LINS1: variants seen among roughly 807,000 people sequenced by gnomAD.
The protein encoded by LINS1 is lines homolog 1, also known as protein Lines homolog 1.
Under a neutral mutation model 41.6 loss-of-function variants are expected in LINS1, and 27 were observed. The ratio of observed to expected loss-of-function variants is 0.65; its 90% CI spans 0.48 to 0.89. The LOEUF (loss-of-function observed/expected upper bound fraction) is 0.89, where lower values mean the gene tolerates loss of function less well. Ranked by LOEUF, LINS1 falls within the 40% of genes least tolerant of loss-of-function variation. The probability of loss-of-function intolerance (pLI) is 0.00; values close to 1 mark genes in which losing one functional copy is unlikely to be tolerated. For synonymous variants in LINS1, 336 were observed against 312.9 expected, an observed-to-expected ratio of 1.07 and a Z score of -0.78; for missense variants, 955 against 884.1, an observed-to-expected ratio of 1.08 and a Z score of -1.02.
intron 2 of LINS1, 26 bp downstream of exon 2, chr15:100,580,418 C>T: frequency 1.9e-6 from 3 of 1,609,224 alleles, no homozygotes; most frequent in Admixed American, 1.7e-5. Flanking sequence ...TAAATATCTA[C>T]ATCTTTAGAA....
rs8451 is a variant in LINS1 at position 100,569,472 on chromosome 15, C to A, written c.2040G>T (p.Arg680Ser). Residue 680 changes from arginine to serine, a missense_variant, in exon 7 of 7, where the codon AGG becomes AGT. Physicochemically the swap from Arg to Ser is moderately radical, Grantham distance 110. Coordinates refer to ENST00000314742, the MANE Select transcript of LINS1 (RefSeq NM_001040616.3). ...TATCAAATTCTTTCAGAACCAGAGG[C>A]CTTGATGGAGGCTCAAGGCTAAATT... ...KKEFSLEPPSRPLVLKEFDTA... is the reference protein window; with the variant it reads ...KKEFSLEPPSSPLVLKEFDTA... 707,002 of 1,613,684 alleles carry A rather than the reference C, an allele frequency of 0.44. 160,031 individuals carry two copies. The highest frequency in any genetic ancestry group is 0.47 in the Non-Finnish European group (560,371 of 1,179,806).
intron 1 of LINS1, among the ~76,000 whole-genome samples, chr15:100,597,558 A>T (rs1364319819): frequency 6.6e-6 from 1 of 152,252 alleles, no homozygotes; most frequent in Non-Finnish European, 1.5e-5. Context: ...TTATATGCTA[A>T]TGCTAAGCAT....
At chr15:100,589,604 A>G (rs909767558) in intron 1 of LINS1, among the ~76,000 whole-genome samples, 2 of 152,190 alleles carry the variant, frequency 1.3e-5, no homozygotes, top group African/African-American at 2.4e-5. Context: ...TCTGCATTCC[A>G]TGACTCATCA....
chr15:100,567,308 G>C lies in LINS1; in HGVS notation c.*1930C>G, dbSNP rs2037595739. The C allele has an allele frequency of 1.3e-5, 2 of 152,138 alleles. No individual in the cohort carries two copies. Among genetic ancestry groups the C allele is most frequent in the South Asian group, 4.1e-4 (2 of 4,830 alleles). 9.4% of individuals were successfully genotyped at this position (152,138 alleles called of 1,614,324 possible). ...TAGTCTTATGGGACCACTGTACTAT[G>C]TGGTCTGTTATTGAAACATCCTAAT... On this transcript the variant is annotated 3_prime_UTR_variant, in exon 7 of 7. Transcript: ENST00000314742.
chr15:100,580,232 A>T (rs1424405382), intron 3 of LINS1, 31 bp downstream of exon 3: 1 of 1,463,448 alleles, frequency 6.8e-7, no homozygotes, highest in South Asian at 1.2e-5. Flanking sequence ...AAGAAAGAGA[A>T]ATAATAACAT....
rs910898771 is a variant in LINS1, at chr15:100,572,439, A to G, written c.1223-374T>C. On this transcript the variant is annotated intron_variant, in intron 5 of 6. Transcript: ENST00000314742. ...CCAGAGCTGTCTGTCCAAGAATGCA[A>G]CCAAGCAAAAATAATTTTGTCTTCA... The G allele has an allele frequency of 3.8e-6, 4 of 1,059,244 alleles. No individual in the cohort carries two copies. The Admixed American group carries it at 1.5e-4, about 40-fold the overall frequency. 65.6% of individuals were successfully genotyped at this position (1,059,244 alleles called of 1,614,324 possible).
chr15:100,572,385 G>A (rs1372462042), intron 5 of LINS1: 1 of 1,168,300 alleles, frequency 8.6e-7, no homozygotes, highest in Non-Finnish European at 1.1e-6. Flanking sequence ...AAATAAATGA[G>A]CAGACAACTA....
At chr15:100,573,244 G>C (rs1185147316) in intron 5 of LINS1, 1 of 407,010 alleles carries the variant, frequency 2.5e-6, no homozygotes, top group African/African-American at 2.2e-5. Flanking sequence ...GGTTGGGACA[G>C]GAGGAATAGC....
At position 100,573,898 on chromosome 15, in the gene LINS1, C is replaced by T. The variant is rs377267845; in HGVS notation, c.975G>A (p.Pro325=). 4.7e-5 allele frequency: 76 copies of T among 1,614,082 alleles called. No individual in the cohort carries two copies. The highest frequency in any genetic ancestry group is 5.7e-5 in the Non-Finnish European group (67 of 1,180,050). Residue 325 remains proline (P), a synonymous_variant, in exon 5 of 7, where the codon CCG becomes CCA. Transcript: ENST00000314742. ...LCRGSVPALM[P]PDHHVAVDML... is the part of the protein sequence containing the mutation. Reference sequence around the variant, plus strand: ...TGTCCACCGCTACATGATGGTCTGGCGGCATTAAGGCAGGCACAGATCCAC... The same window carrying T: ...TGTCCACCGCTACATGATGGTCTGGTGGCATTAAGGCAGGCACAGATCCAC...
chr15:100,575,004 G>C lies in LINS1; in HGVS notation c.614C>G (p.Ser205Ter). 1 of 1,612,662 alleles carries C rather than the reference G, an allele frequency of 6.2e-7. No homozygotes were observed. Among genetic ancestry groups the C allele is most frequent in the Non-Finnish European group, 8.5e-7 (1 of 1,179,518 alleles). The change falls in exon 4 of 7, where the codon TCA (serine) becomes TGA (stop). Residue 205 changes from serine (S) to a stop codon, truncating the protein, a stop_gained. Coordinates refer to ENST00000314742, the MANE Select transcript of LINS1 (RefSeq NM_001040616.3). LOFTEE classifies it high-confidence loss of function. Reference sequence around the variant, plus strand: ...ATCCATACCTGTTTTCTGTGAACATGAATCTTTAAAGATTTCTTTTATTAT... The same window carrying C: ...ATCCATACCTGTTTTCTGTGAACATCAATCTTTAAAGATTTCTTTTATTAT... ...TAIIKEIFKD[S>*]CSQKTEILKQ...
rs2411835 is a variant in LINS1, at chr15:100,568,395, A to G, written c.*843T>C. 147,283 of 152,286 alleles carry G rather than the reference A, an allele frequency of 0.97. 71,545 individuals carry two copies. Among genetic ancestry groups the G allele is most frequent in the Non-Finnish European group, 1 (67,764 of 68,056 alleles). The allele number at this position is 152,286 out of a possible 1,614,324, so 9.4% of individuals were successfully genotyped here. A position where few individuals can be genotyped will look rare whatever the true frequency, so the allele number is the denominator to read the frequency against. Reference sequence around the variant, plus strand: ...AGTTGAGATCATACTGGATGAGGGTAGGTCCTAGTCCAATGACCGATGTCC... The same window carrying G: ...AGTTGAGATCATACTGGATGAGGGTGGGTCCTAGTCCAATGACCGATGTCC... On this transcript the variant is annotated 3_prime_UTR_variant, in exon 7 of 7. Coordinates refer to ENST00000314742, the MANE Select transcript of LINS1 (RefSeq NM_001040616.3).
intron 3 of LINS1, among the ~76,000 whole-genome samples, chr15:100,578,678 T>C (rs2038338402): frequency 6.6e-6 from 1 of 152,216 alleles, no homozygotes; most frequent in East Asian, 1.9e-4. Flanking sequence ...TTACTGGGTA[T>C]ATACCCAAAG....
At chr15:100,580,998 G>A in intron 1 of LINS1, 53 bp from the exon 2 acceptor site, 1 of 647,978 alleles carries the variant, frequency 1.5e-6, no homozygotes, top group African/African-American at 1.8e-5. Flanking sequence ...CTTATTACAA[G>A]AGAAAGCAAC....
At chr15:100,572,432 G>A in intron 5 of LINS1, 1 of 1,068,554 alleles carries the variant, frequency 9.4e-7, no homozygotes, top group Non-Finnish European at 1.1e-6. Flanking sequence ...GTCTGTCCAA[G>A]AATGCAACCA....
chr15:100,574,627 G>A (rs1030153745), intron 4 of LINS1, among the ~76,000 whole-genome samples: 1 of 152,272 alleles, frequency 6.6e-6, no homozygotes, highest in Admixed American at 6.5e-5. Flanking sequence ...AGAATCACTT[G>A]AACTCGCAAG....
At chr15:100,598,978 G>C (rs2039360071) in intron 1 of LINS1, among the ~76,000 whole-genome samples, 1 of 152,296 alleles carries the variant, frequency 6.6e-6, no homozygotes, top group South Asian at 2.1e-4. Flanking sequence ...TGGAACATTA[G>C]GAAAAACCCA....
At position 100,567,424 on chromosome 15, in the gene LINS1, T is replaced by C. The variant is rs2037598612; in HGVS notation, c.*1814A>G. On this transcript the variant is annotated 3_prime_UTR_variant, in exon 7 of 7. Coordinates refer to ENST00000314742, the MANE Select transcript of LINS1 (RefSeq NM_001040616.3). ...CTGTCTCCCAAGGCAACCACTATTA[T>C]GACTTTCTTATGTAGTCTTACATAC... 1 of 152,262 alleles carries C rather than the reference T, an allele frequency of 6.6e-6. No homozygotes were observed. The highest frequency in any genetic ancestry group is 2.4e-5 in the African/African-American group (1 of 41,470). The allele number at this position is 152,262 out of a possible 1,614,324, so 9.4% of individuals were successfully genotyped here. A position where few individuals can be genotyped will look rare whatever the true frequency, so the allele number is the denominator to read the frequency against.
intron 4 of LINS1, 137 bp from the exon 5 acceptor site, chr15:100,574,378 A>G: frequency 1.5e-6 from 1 of 666,974 alleles, no homozygotes; most frequent in Non-Finnish European, 2.6e-6. Flanking sequence ...TTAACAAATG[A>G]GGTTACACAG....
In LINS1 at chr15:100,568,670, C is replaced by T. The variant is rs897751114; in HGVS notation, c.*568G>A. ...CTGCGGCACACGTGGCAAGTTGTTA[C>T]GGCAGCCCTAGCTGAGGAACGCAAT... is the stretch of plus-strand genomic sequence containing the variant. On this transcript the variant is annotated 3_prime_UTR_variant, in exon 7 of 7. Coordinates refer to ENST00000314742, the MANE Select transcript of LINS1 (RefSeq NM_001040616.3). 6.5e-6 allele frequency: 1 copy of T among 153,084 alleles called. No homozygotes were observed. Among genetic ancestry groups the T allele is most frequent in the Admixed American group, 6.5e-5 (1 of 15,404 alleles). The allele number at this position is 153,084 out of a possible 1,614,324, so 9.5% of individuals were successfully genotyped here.
Sources: gnomAD v4.1 joint callset for allele counts (sites outside exome capture counted in the v4.1 genomes callset) on GRCh38, gnomAD v4.1.1 for gene constraint, MANE v1.5 for transcripts, NCBI Gene and HGNC (gene_info 2026-07-23, HGNC 2026-07-21) for gene names.